PRKN: variants seen among roughly 807,000 people sequenced by gnomAD.
PRKN encodes the protein E3 ubiquitin-protein ligase parkin.
A neutral mutation model predicts 59.5 loss-of-function variants in PRKN; 56 were observed. The observed-to-expected ratio is 0.94, with a 90% CI of 0.76 to 1.18. The LOEUF is 1.18. PRKN is among the 50% of genes most tolerant of loss of function. PRKN has a pLI of 0.00. For missense variants in PRKN, 657 were observed against 596.4 expected, an observed-to-expected ratio of 1.10 and a Z score of -1.06; for synonymous variants, 250 against 222.1, an observed-to-expected ratio of 1.13 and a Z score of -1.12.
chr6:161,727,255 G>A (rs1359816398), intron 7 of PRKN, among the ~76,000 whole-genome samples: 1 of 152,136 alleles, frequency 6.6e-6, no homozygotes, highest in Non-Finnish European at 1.5e-5. Flanking sequence ...ACCAACCCCT[G>A]CAGGGCAAAT....
At chr6:162,348,194 C>T (rs1263442228) in intron 2 of PRKN, among the ~76,000 whole-genome samples, 1 of 152,172 alleles carries the variant, frequency 6.6e-6, no homozygotes, top group Non-Finnish European at 1.5e-5. Context: ...CTTGCTGGTT[C>T]ACAGAGCATT....
intron 1 of PRKN, among the ~76,000 whole-genome samples, chr6:162,537,543 G>A (rs1040080352): frequency 2.6e-5 from 4 of 152,164 alleles, no homozygotes; most frequent in African/African-American, 7.2e-5. Context: ...ACGTGTGATC[G>A]CATCTTTCCC....
At chr6:162,359,591 TA>T (rs34993229) in intron 2 of PRKN, among the ~76,000 whole-genome samples, 83,076 of 146,328 alleles carry the variant, frequency 0.57, 23,167 homozygotes, top group East Asian at 0.65. Flanking sequence ...CTTTTAAAAT[TA>T]AAAAAAAAAA....
intron 2 of PRKN, among the ~76,000 whole-genome samples, chr6:162,271,015 A>AGT (rs1461240227): frequency 1.9e-5 from 2 of 105,790 alleles, no homozygotes; most frequent in African/African-American, 5.0e-5. Flanking sequence ...CTAATTTTCT[A>AGT]GTTTTTTTTT....
chr6:162,136,063 TC>T (rs1781551811), intron 4 of PRKN, among the ~76,000 whole-genome samples: 1 of 151,124 alleles, frequency 6.6e-6, no homozygotes, highest in East Asian at 1.9e-4. Flanking sequence ...AGAAACATGT[TC>T]TACTTTCTAA....
intron 4 of PRKN, among the ~76,000 whole-genome samples, chr6:162,147,526 AT>A (rs1018336752): frequency 1.3e-5 from 2 of 152,168 alleles, no homozygotes; most frequent in African/African-American, 4.8e-5. Context: ...TGTGAATATC[AT>A]CTTAAAGCAG....
At chr6:161,984,800 G>A (rs1334171547) in intron 5 of PRKN, among the ~76,000 whole-genome samples, 2 of 152,120 alleles carry the variant, frequency 1.3e-5, no homozygotes, top group African/African-American at 4.8e-5. Flanking sequence ...ATTTCATGAA[G>A]GGTCCCTGAC....
At chr6:162,460,095 C>A (rs1210518460) in intron 1 of PRKN, among the ~76,000 whole-genome samples, 1 of 152,140 alleles carries the variant, frequency 6.6e-6, no homozygotes, top group Non-Finnish European at 1.5e-5. Flanking sequence ...TTATTAATAG[C>A]CAAAAGGTGG....
rs554103401 is a variant in PRKN, at chr6:161,716,131, C to T, written c.871+69641G>A. On this transcript the variant is annotated intron_variant, in intron 7 of 11. Coordinates refer to ENST00000366898, the MANE Select transcript of PRKN (RefSeq NM_004562.3). The stretch of plus-strand genomic sequence containing the variant: ...TCTAAGCACCACTGTGTCTCCAGTT[C>T]CTGGTCAAATAGAATACAGAGGAGA... 14 of 1,343,030 alleles carry T rather than the reference C, an allele frequency of 1.0e-5. No homozygotes were observed. In the African/African-American group the frequency reaches 1.9e-4, roughly 19 times the overall value. 83.2% of individuals were successfully genotyped at this position (1,343,030 alleles called of 1,614,324 possible).
chr6:161,801,405 C>T (rs967918129), intron 6 of PRKN, among the ~76,000 whole-genome samples: 1 of 152,200 alleles, frequency 6.6e-6, no homozygotes, highest in Admixed American at 6.5e-5. Context: ...TATAAAGGGC[C>T]TGGGGACCCA....
rs1200522185 is a variant in PRKN at position 162,472,786 on chromosome 6, C to T, written c.8-29313G>A. On this transcript the variant is annotated intron_variant, in intron 1 of 11. Transcript: ENST00000366898. The stretch of plus-strand genomic sequence containing the variant: ...GATTACAGGTGTGAGCCACCGCGCC[C>T]GGCCCCAAACTTTTATTTTATATAT... Among the ~76,000 whole-genome samples, 32 of 90,416 alleles carry T rather than the reference C, an allele frequency of 3.5e-4. 6 individuals carry two copies. Among genetic ancestry groups the T allele is most frequent in the Non-Finnish European group, 3.5e-4 (14 of 40,566 alleles). The allele number at this position is 90,416 out of a possible 152,430, so 59.3% of individuals were successfully genotyped here.
At chr6:161,695,880 C>T (rs1016161579) in intron 7 of PRKN, among the ~76,000 whole-genome samples, 2 of 152,136 alleles carry the variant, frequency 1.3e-5, no homozygotes, top group African/African-American at 4.8e-5. Context: ...TAGATCATAG[C>T]GTGATCAATT....
intron 7 of PRKN, among the ~76,000 whole-genome samples, chr6:161,771,054 C>A (rs1354104402): frequency 6.6e-6 from 1 of 151,882 alleles, no homozygotes; most frequent in Non-Finnish European, 1.5e-5. Context: ...GAAGCCTGGG[C>A]AAACTGAGAC....
chr6:161,643,583 T>C (rs1783818222), intron 7 of PRKN, among the ~76,000 whole-genome samples: 1 of 152,204 alleles, frequency 6.6e-6, no homozygotes, highest in Non-Finnish European at 1.5e-5. Context: ...TTAAGAAGTG[T>C]ATATTGCAAT....
intron 1 of PRKN, among the ~76,000 whole-genome samples, chr6:162,505,720 G>A (rs1793579612): frequency 6.6e-6 from 1 of 152,144 alleles, no homozygotes. Context: ...AGAAATAGAA[G>A]GGAGAGGATT....
chr6:161,682,183 C>T (rs1365131103), intron 7 of PRKN, among the ~76,000 whole-genome samples: 1 of 152,206 alleles, frequency 6.6e-6, no homozygotes, highest in Non-Finnish European at 1.5e-5. Context: ...CACGAGGCAG[C>T]TCCACTGGGC....
Position 162,496,954 on chromosome 6 carries a change from A to G in PRKN, c.8-53481T>C, listed in dbSNP as rs117343197. 6.0e-3 allele frequency among the ~76,000 whole-genome samples: 918 copies of G among 152,314 alleles called. 5 individuals are homozygous for G. Among genetic ancestry groups the G allele is most frequent in the Admixed American group, 0.013 (193 of 15,294 alleles). Reference sequence around the variant, plus strand: ...CCTTATAATGAAGAAAGAGGCTGCCATGTTTCGAAACCTCCTTTAGGTGGA... The same window carrying G: ...CCTTATAATGAAGAAAGAGGCTGCCGTGTTTCGAAACCTCCTTTAGGTGGA... On this transcript the variant is annotated intron_variant, in intron 1 of 11. Transcript: ENST00000366898.
chr6:162,055,153 C>T (rs557582562), intron 4 of PRKN, among the ~76,000 whole-genome samples: 6 of 152,202 alleles, frequency 3.9e-5, no homozygotes, highest in African/African-American at 1.4e-4. Context: ...CATAGCAAGA[C>T]TCCATCTCAA....
At position 161,730,664 on chromosome 6, in the gene PRKN, A is replaced by G. The variant is rs114252813; in HGVS notation, c.871+55108T>C. On this transcript the variant is annotated intron_variant, in intron 7 of 11. Transcript: ENST00000366898. ...GATGTGTTGCCCTCCGATATGTTGC[A>G]TTCTTTCAGATATGTGGCATTCTGA... Among the ~76,000 whole-genome samples, 1,369 of 151,138 alleles carry G rather than the reference A, an allele frequency of 9.1e-3. 23 individuals are homozygous for G. The highest frequency in any genetic ancestry group is 0.032 in the African/African-American group (1,322 of 41,090).
Sources: allele counts gnomAD v4.1 joint callset (sites outside exome capture counted in the v4.1 genomes callset), GRCh38; gene constraint gnomAD v4.1.1; transcripts MANE v1.5; gene names NCBI Gene and HGNC (gene_info 2026-07-23, HGNC 2026-07-21).